LRBA: variants seen among roughly 807,000 people sequenced by gnomAD.
LRBA encodes the protein LPS responsive beige-like anchor protein.
Under a neutral mutation model 330.0 loss-of-function variants are expected in LRBA, and 176 were observed. That is an observed-to-expected ratio of 0.53 (90% CI 0.47 to 0.60). The LOEUF (loss-of-function observed/expected upper bound fraction) is 0.60, where lower values mean the gene tolerates loss of function less well. LRBA is among the 20% of genes least tolerant of loss of function. The probability of loss-of-function intolerance (pLI) is 0.00; values close to 1 mark genes in which losing one functional copy is unlikely to be tolerated. For missense variants in LRBA, 3,259 were observed against 3,444.8 expected (o/e 0.95, Z 1.35); for synonymous variants, 1,230 against 1,193.0 (o/e 1.03, Z -0.64).
chr4:150,557,003 C>T (rs189435029), intron 40 of LRBA, among the ~76,000 whole-genome samples: 1 of 152,186 alleles, frequency 6.6e-6, no homozygotes, highest in East Asian at 1.9e-4. Context: ...CACCCGGTAC[C>T]CACATCTTGG....
intron 48 of LRBA, among the ~76,000 whole-genome samples, chr4:150,335,072 C>T (rs529550398): frequency 4.6e-5 from 7 of 151,960 alleles, no homozygotes; most frequent in East Asian, 3.9e-4. Flanking sequence ...TCAGGTGATC[C>T]GCCTGCCTCG....
chr4:150,881,609 T>A (rs1250620210), intron 17 of LRBA, among the ~76,000 whole-genome samples: 4 of 152,088 alleles, frequency 2.6e-5, no homozygotes, highest in Non-Finnish European at 5.9e-5. Flanking sequence ...ACCTCAAACC[T>A]CAGCATCATA....
intron 17 of LRBA, among the ~76,000 whole-genome samples, chr4:150,891,131 T>C (rs2127089565): frequency 6.6e-6 from 1 of 152,316 alleles, no homozygotes; most frequent in East Asian, 1.9e-4. Flanking sequence ...CAAACAAGTA[T>C]TTATAAGCCT....
intron 38 of LRBA, among the ~76,000 whole-genome samples, chr4:150,592,151 T>G (rs564822617): frequency 1.7e-3 from 237 of 140,314 alleles, no homozygotes; most frequent in African/African-American, 6.1e-3. Flanking sequence ...AGGGTTTTTT[T>G]TTTTTTTTTT....
At chr4:150,465,781 T>C (rs1755373363) in intron 44 of LRBA, among the ~76,000 whole-genome samples, 1 of 152,010 alleles carries the variant, frequency 6.6e-6, no homozygotes, top group Admixed American at 6.6e-5. Flanking sequence ...CCTCTGAAAA[T>C]TAAAACTCCC....
intron 38 of LRBA, among the ~76,000 whole-genome samples, chr4:150,592,855 A>C (rs545003892): frequency 1.5e-4 from 23 of 152,140 alleles, no homozygotes; most frequent in African/African-American, 5.5e-4. Flanking sequence ...CTGATCTCTA[A>C]CTACTGGGCT....
At chr4:150,892,893 T>C (rs1273516464) in intron 17 of LRBA, among the ~76,000 whole-genome samples, 159 bp downstream of exon 17, 2 of 152,084 alleles carry the variant, frequency 1.3e-5, no homozygotes, top group Admixed American at 6.5e-5. Flanking sequence ...AAAGATTCAT[T>C]GAAAAAAAAT....
intron 2 of LRBA, among the ~76,000 whole-genome samples, chr4:150,946,733 A>G (rs925170781): frequency 1.3e-5 from 2 of 152,052 alleles, no homozygotes; most frequent in African/African-American, 2.4e-5. Flanking sequence ...AGAAGGAAAT[A>G]ATAAAGACAA....
intron 40 of LRBA, among the ~76,000 whole-genome samples, chr4:150,505,360 C>G (rs1428545704): frequency 6.6e-6 from 1 of 151,618 alleles, no homozygotes; most frequent in Admixed American, 6.6e-5. Context: ...TGTAAAAGAA[C>G]AGAAATTATA....
intron 2 of LRBA, among the ~76,000 whole-genome samples, chr4:151,001,037 T>G (rs1327527875): frequency 1.3e-5 from 2 of 152,178 alleles, no homozygotes; most frequent in African/African-American, 4.8e-5. Flanking sequence ...TAAGGATCTG[T>G]CTGGAAATGG....
At chr4:150,613,907 A>G (rs1371805144) in intron 37 of LRBA, among the ~76,000 whole-genome samples, 1 of 152,174 alleles carries the variant, frequency 6.6e-6, no homozygotes, top group African/African-American at 2.4e-5. Context: ...AAAACTCTGA[A>G]GACAGTATTC....
At chr4:150,792,787 G>T (rs535421226) in intron 34 of LRBA, among the ~76,000 whole-genome samples, 1 of 152,196 alleles carries the variant, frequency 6.6e-6, no homozygotes, top group East Asian at 1.9e-4. Flanking sequence ...AAAAAAAGAG[G>T]TCTAGGCTAG....
rs190511922 is a variant in LRBA at position 150,821,183 on chromosome 4, T to A, written c.5172-3926A>T. Reference sequence around the variant, plus strand: ...TTTAGCAGAAAGTGCTTCAAACTTTTTAGCATAAGGAATCTGAAAGATAGA... The same window carrying A: ...TTTAGCAGAAAGTGCTTCAAACTTTATAGCATAAGGAATCTGAAAGATAGA... On this transcript the variant is annotated intron_variant, in intron 30 of 56. Coordinates refer to ENST00000651943, the MANE Select transcript of LRBA (RefSeq NM_001364905.1). Among the ~76,000 whole-genome samples the A allele has an allele frequency of 2.4e-4, 36 of 152,244 alleles. 1 individual carries two copies. The East Asian group carries it at 5.8e-3, about 24-fold the overall frequency.
Position 150,821,242 on chromosome 4 carries a change from CA to C in LRBA, c.5172-3986del, listed in dbSNP as rs1489995035. Among the ~76,000 whole-genome samples the C allele has an allele frequency of 2.0e-5, 3 of 151,970 alleles. No individual in the cohort carries two copies. In the East Asian group the frequency reaches 5.8e-4, roughly 29 times the overall value. The stretch of plus-strand genomic sequence containing the variant: ...TATGCAAGCTGGTTTCCCAAATTGT[CA>C]ATTATAAACCAAATATTAAAAGAGA... On this transcript the variant is annotated intron_variant, in intron 30 of 56. Coordinates refer to ENST00000651943, the MANE Select transcript of LRBA (RefSeq NM_001364905.1).
intron 44 of LRBA, among the ~76,000 whole-genome samples, chr4:150,448,865 T>C (rs1752994027): frequency 7.2e-6 from 1 of 138,616 alleles, no homozygotes; most frequent in Non-Finnish European, 1.5e-5. Context: ...CTAAAATTTA[T>C]AAAGAATTTC....
intron 5 of LRBA, 32 bp from the exon 6 acceptor site, chr4:150,916,770 A>T (rs775799728): frequency 6.7e-7 from 1 of 1,500,712 alleles, no homozygotes. Flanking sequence ...TTATTAACTC[A>T]CGTGAAAACC....
intron 48 of LRBA, among the ~76,000 whole-genome samples, chr4:150,349,288 G>C (rs933995948): frequency 2.0e-5 from 3 of 152,114 alleles, no homozygotes; most frequent in African/African-American, 7.2e-5. Context: ...ATGAATCAAA[G>C]CTCCTGGTTT....
chr4:150,277,763 A>G, intron 56 of LRBA, 90 bp downstream of exon 56: 1 of 1,298,894 alleles, frequency 7.7e-7, no homozygotes, highest in Admixed American at 1.9e-5. Flanking sequence ...CAGCCTCCCA[A>G]AGTACTGGGA....
At chr4:150,454,374 A>G (rs1753786187) in intron 44 of LRBA, among the ~76,000 whole-genome samples, 1 of 152,106 alleles carries the variant, frequency 6.6e-6, no homozygotes, top group Non-Finnish European at 1.5e-5. Context: ...TGCCCTAAAG[A>G]AGGCAATATC....
Sources: allele counts gnomAD v4.1 joint callset (sites outside exome capture counted in the v4.1 genomes callset), GRCh38; gene constraint gnomAD v4.1.1; transcripts MANE v1.5; gene names NCBI Gene and HGNC (gene_info 2026-07-23, HGNC 2026-07-21).